FRMD4A: variants seen among roughly 807,000 people sequenced by gnomAD.
FRMD4A encodes FERM domain containing 4A.
In FRMD4A, 29 loss-of-function variants were observed where a neutral mutation model predicts 129.1. The observed-to-expected ratio is 0.22, with a 90% CI of 0.17 to 0.31. The LOEUF (loss-of-function observed/expected upper bound fraction) is 0.31. Among genes scored for constraint, FRMD4A ranks in the 10% least tolerant of loss-of-function variants. FRMD4A has a pLI of 1.00. For missense variants in FRMD4A, 1,272 were observed against 1,375.8 expected (o/e 0.92, Z 1.19); for synonymous variants, 634 against 571.6 (o/e 1.11, Z -1.56).
chr10:14,150,005 G>C (rs1354952144), intron 2 of FRMD4A, among the ~76,000 whole-genome samples: 1 of 152,160 alleles, frequency 6.6e-6, no homozygotes, highest in Non-Finnish European at 1.5e-5. Flanking sequence ...GAAGGTGAAG[G>C]GGGAGCAAGC....
At chr10:13,673,769 CT>C (rs1156236426) in intron 16 of FRMD4A, among the ~76,000 whole-genome samples, 2,221 of 94,282 alleles carry the variant, frequency 0.024, 17 homozygotes, top group African/African-American at 0.058. Flanking sequence ...GAAAGCATTG[CT>C]TTTTTTTTTT....
rs575129173 is a variant in FRMD4A at position 13,781,690 on chromosome 10, C to T, written c.384+1232G>A. 2.0e-5 allele frequency among the ~76,000 whole-genome samples: 3 copies of T among 152,154 alleles called. No homozygotes were observed. The East Asian group carries it at 5.8e-4, about 29-fold the overall frequency. On this transcript the variant is annotated intron_variant, in intron 6 of 24. Transcript: ENST00000357447. ...ACCACACACAGCCAACATGGATGAA[C>T]CTTGAGGCCATTATGCTAGGTAAAG...
rs759649917 is a variant in FRMD4A at position 13,657,125 on chromosome 10, G to A, written c.2464C>T (p.Leu822=). 1.3e-6 allele frequency: 2 copies of A among 1,535,054 alleles called. No individual in the cohort carries two copies. Among genetic ancestry groups the A allele is most frequent in the South Asian group, 1.2e-5 (1 of 83,816 alleles). The change falls in exon 22 of 25, where the codon CTG becomes TTG. Residue 822 remains leucine, a synonymous_variant. Coordinates refer to ENST00000357447, the MANE Select transcript of FRMD4A (RefSeq NM_018027.5). ...GAGCTGGGCTGGCTCTGGCTGTGCA[G>A]GTACACACCGCCCCCCGCGCCCCCC... ...GAGGAGGGVY[L]HSQSQPSSQY...
chr10:13,852,368 C>T (rs887176178), intron 3 of FRMD4A, among the ~76,000 whole-genome samples: 3 of 151,932 alleles, frequency 2.0e-5, no homozygotes, highest in Admixed American at 6.6e-5. Flanking sequence ...CTCAGCCTCC[C>T]GAGTAGCTGG....
intron 10 of FRMD4A, 59 bp downstream of exon 10, chr10:13,740,453 T>C (rs1012157026): frequency 9.9e-7 from 1 of 1,013,384 alleles, no homozygotes; most frequent in Non-Finnish European, 1.6e-6. Flanking sequence ...AATCCTGACA[T>C]ACGATATATT....
intron 21 of FRMD4A, among the ~76,000 whole-genome samples, chr10:13,658,742 C>G (rs995344383): frequency 6.6e-6 from 1 of 151,972 alleles, no homozygotes; most frequent in African/African-American, 2.4e-5. Context: ...ATTAGCCAGG[C>G]GTGGTGGTAG....
Position 14,068,583 on chromosome 10 carries a change from G to C in FRMD4A, c.46-209671C>G, listed in dbSNP as rs558042018. On this transcript the variant is annotated intron_variant, in intron 2 of 24. Coordinates refer to ENST00000357447, the MANE Select transcript of FRMD4A (RefSeq NM_018027.5). Reference sequence around the variant, plus strand: ...GCCTTGGTATCTGAAAAAGGTTATGGGGATTGGGAGGAAACTTCTCCTTTC... The same window carrying C: ...GCCTTGGTATCTGAAAAAGGTTATGCGGATTGGGAGGAAACTTCTCCTTTC... Among the ~76,000 whole-genome samples, 16 of 152,206 alleles carry C rather than the reference G, an allele frequency of 1.1e-4. No individual in the cohort carries two copies. The South Asian group carries it at 2.9e-3, about 28-fold the overall frequency.
At chr10:13,745,888 G>A (rs2091264620) in intron 9 of FRMD4A, among the ~76,000 whole-genome samples, 1 of 152,126 alleles carries the variant, frequency 6.6e-6, no homozygotes, top group Non-Finnish European at 1.5e-5. Flanking sequence ...CAAGGAATTA[G>A]GGAGGTGGGT....
At chr10:14,243,597 C>T (rs1030790617) in intron 2 of FRMD4A, among the ~76,000 whole-genome samples, 21 of 151,950 alleles carry the variant, frequency 1.4e-4, no homozygotes, top group African/African-American at 2.7e-4. Context: ...GCCTAGAATA[C>T]GGTGGTCAAG....
intron 15 of FRMD4A, among the ~76,000 whole-genome samples, chr10:13,685,948 C>T (rs769201787): frequency 6.6e-6 from 1 of 152,032 alleles, no homozygotes; most frequent in Non-Finnish European, 1.5e-5. Flanking sequence ...TTTATTTCCC[C>T]CAAAATAAGA....
intron 5 of FRMD4A, among the ~76,000 whole-genome samples, chr10:13,787,884 A>G (rs901364312): frequency 9.9e-5 from 15 of 152,100 alleles, no homozygotes; most frequent in Admixed American, 2.0e-4. Flanking sequence ...AAAGAAAAAA[A>G]AAAAAAGTGG....
intron 2 of FRMD4A, among the ~76,000 whole-genome samples, chr10:14,303,485 TC>T (rs956234819): frequency 2.3e-4 from 35 of 152,310 alleles, no homozygotes; most frequent in Middle Eastern, 3.4e-3. Flanking sequence ...GGCTACCAAG[TC>T]CTTGGATTGG....
At chr10:14,098,038 T>C (rs1173573634) in intron 2 of FRMD4A, among the ~76,000 whole-genome samples, 1 of 91,406 alleles carries the variant, frequency 1.1e-5, no homozygotes, top group East Asian at 4.5e-4. Flanking sequence ...ATAGATTATA[T>C]ATAAATTATT....
chr10:13,785,408 C>T (rs1467981916), intron 5 of FRMD4A, among the ~76,000 whole-genome samples: 1 of 152,104 alleles, frequency 6.6e-6, no homozygotes, highest in East Asian at 1.9e-4. Flanking sequence ...AAGCACCTGC[C>T]CCCTGCTTCT....
At chr10:13,962,994 C>T (rs986528223) in intron 2 of FRMD4A, among the ~76,000 whole-genome samples, 10 of 152,212 alleles carry the variant, frequency 6.6e-5, no homozygotes, top group African/African-American at 1.9e-4. Context: ...ATACTGTCCA[C>T]ATCAAGGAAG....
intron 14 of FRMD4A, among the ~76,000 whole-genome samples, chr10:13,696,265 T>A (rs2086218071): frequency 6.6e-6 from 1 of 152,138 alleles, no homozygotes; most frequent in Non-Finnish European, 1.5e-5. Flanking sequence ...TCTGGTTGAG[T>A]TTTACCCTCT....
At chr10:13,800,002 A>AC (rs2130839463) in intron 4 of FRMD4A, among the ~76,000 whole-genome samples, 1 of 142,890 alleles carries the variant, frequency 7.0e-6, no homozygotes, top group East Asian at 2.2e-4. Flanking sequence ...ACATGGTGAA[A>AC]CCCCATCTCT....
At chr10:14,261,941 A>ACACACACAC (rs1844815970) in intron 2 of FRMD4A, among the ~76,000 whole-genome samples, 1 of 128,232 alleles carries the variant, frequency 7.8e-6, no homozygotes, top group Non-Finnish European at 1.7e-5. Flanking sequence ...CACCACACCA[A>ACACACACAC]ACACACACAC....
intron 15 of FRMD4A, among the ~76,000 whole-genome samples, chr10:13,678,866 G>C (rs2084232672): frequency 6.6e-6 from 1 of 152,154 alleles, no homozygotes; most frequent in Non-Finnish European, 1.5e-5. Flanking sequence ...AGGATAATTA[G>C]CATATCCATT....
Sources: allele counts gnomAD v4.1 joint callset (sites outside exome capture counted in the v4.1 genomes callset), GRCh38; gene constraint gnomAD v4.1.1; transcripts MANE v1.5; gene names NCBI Gene and HGNC (gene_info 2026-07-23, HGNC 2026-07-21).